Variants in PHEX observed in about 807,000 individuals in gnomAD.
The protein encoded by PHEX is phosphate-regulating neutral endopeptidase PHEX.
PHEX carries 16 observed loss-of-function variants against 68.0 expected under a neutral mutation model. The observed-to-expected ratio is 0.24, with a 90% confidence interval of 0.16 to 0.36. PHEX has a LOEUF of 0.36. PHEX is among the 10% of genes least tolerant of loss of function. The pLI, the probability that PHEX is intolerant of heterozygous loss-of-function variation, is 1.00. For missense variants in PHEX, 480 were observed against 575.5 expected, an observed-to-expected ratio of 0.83 and a Z score of 1.70; for synonymous variants, 208 against 205.1, an observed-to-expected ratio of 1.01 and a Z score of -0.12.
intron 2 of PHEX, among the ~76,000 whole-genome samples, chrX:22,045,660 T>A (rs1445021856): frequency 1.8e-5 from 2 of 112,503 alleles, no homozygotes; most frequent in Non-Finnish European, 3.7e-5. Flanking sequence ...CTTATACACA[T>A]ACTCAGTTCT....
chrX:22,121,816 A>AT (rs769259854), intron 11 of PHEX, among the ~76,000 whole-genome samples: 1 of 111,317 alleles, frequency 9.0e-6, no homozygotes, highest in South Asian at 3.8e-4. Context: ...AATATCTTCC[A>AT]TTTTTTCTGA....
chrX:22,075,407 C>G (rs1293571682), intron 3 of PHEX, among the ~76,000 whole-genome samples: 1 of 103,975 alleles, frequency 9.6e-6, no homozygotes, highest in Non-Finnish European at 1.9e-5. Flanking sequence ...TGAAGCTATT[C>G]AGAGTATTAT....
At chrX:22,041,322 G>T (rs1366210854) in intron 2 of PHEX, among the ~76,000 whole-genome samples, 1 of 94,884 alleles carries the variant, frequency 1.1e-5, no homozygotes, top group Non-Finnish European at 2.1e-5. Flanking sequence ...GCTGTGTGTT[G>T]AGTGCCTTAC....
intron 17 of PHEX, 22 bp from the exon 18 acceptor site, chrX:22,221,591 T>C: frequency 8.5e-7 from 1 of 1,180,793 alleles, no homozygotes; most frequent in Non-Finnish European, 1.2e-6. Flanking sequence ...CACAAATGTC[T>C]TCGAACTTTT....
intron 12 of PHEX, among the ~76,000 whole-genome samples, chrX:22,146,309 T>C (rs776567313): frequency 1.8e-5 from 2 of 112,266 alleles, no homozygotes; most frequent in South Asian, 7.4e-4. Flanking sequence ...TGTTAGAGAC[T>C]GATGTAAATT....
intron 12 of PHEX, among the ~76,000 whole-genome samples, chrX:22,141,852 T>G (rs1265980508): frequency 8.9e-6 from 1 of 112,582 alleles, no homozygotes; most frequent in Non-Finnish European, 1.9e-5. Flanking sequence ...ACATAGGCTT[T>G]GAAAGGCATT....
chrX:22,198,951 G>C (rs1054393477), intron 15 of PHEX, among the ~76,000 whole-genome samples: 2 of 111,222 alleles, frequency 1.8e-5, no homozygotes, highest in African/African-American at 6.5e-5. Flanking sequence ...TGTCTTACAT[G>C]GTGGCAGGCA....
intron 3 of PHEX, among the ~76,000 whole-genome samples, chrX:22,064,564 C>T (rs757422392): frequency 6.9e-4 from 77 of 111,879 alleles, no homozygotes; most frequent in African/African-American, 2.3e-3. Context: ...CAGGCGATGC[C>T]CATGCTGCTG....
intron 12 of PHEX, among the ~76,000 whole-genome samples, chrX:22,152,500 G>A (rs1296438062): frequency 4.5e-5 from 5 of 110,322 alleles, no homozygotes; most frequent in Admixed American, 1.9e-4. Flanking sequence ...CTCTTACATC[G>A]CATTCTCTCC....
At chrX:22,056,077 T>C (rs890672599) in intron 3 of PHEX, among the ~76,000 whole-genome samples, 9 of 112,479 alleles carry the variant, frequency 8.0e-5, no homozygotes, top group South Asian at 3.7e-4. Flanking sequence ...TTGTATGATA[T>C]TCAGCTGGCG....
intron 2 of PHEX, among the ~76,000 whole-genome samples, chrX:22,043,572 T>C (rs1019709177): frequency 1.8e-5 from 2 of 111,935 alleles, no homozygotes; most frequent in Admixed American, 9.5e-5. Context: ...GACTAGAGTT[T>C]GTGACGATAC....
chrX:22,164,142 T>G (rs957758206), intron 12 of PHEX, among the ~76,000 whole-genome samples: 1 of 111,795 alleles, frequency 8.9e-6, no homozygotes, highest in Non-Finnish European at 1.9e-5. Context: ...TGCCTATGAG[T>G]GCTTCTCATT....
At chrX:22,097,188 TCTGTGTATTGGGATGC>T (rs1451889595) in intron 8 of PHEX, 150 bp downstream of exon 8, 4 of 517,512 alleles carry the variant, frequency 7.7e-6, no homozygotes, top group African/African-American at 2.3e-5. Flanking sequence ...ATATCCCTTG[TCTGTGTATTGGGATGC>T]CTTCTGTTAC....
At chrX:22,085,669 T>C in intron 5 of PHEX, among the ~76,000 whole-genome samples, 1 of 111,847 alleles carries the variant, frequency 8.9e-6, no homozygotes. Context: ...AAAAGATAAC[T>C]GATATGATTT....
At chrX:22,121,715 A>T (rs1931495455) in intron 11 of PHEX, among the ~76,000 whole-genome samples, 1 of 112,368 alleles carries the variant, frequency 8.9e-6, no homozygotes. Flanking sequence ...TATGTAGAAC[A>T]ATTCACTAAT....
intron 12 of PHEX, among the ~76,000 whole-genome samples, chrX:22,141,659 T>C (rs1251359536): frequency 9.0e-6 from 1 of 111,731 alleles, no homozygotes; most frequent in Non-Finnish European, 1.9e-5. Flanking sequence ...TTCATGGCTC[T>C]GGCTTTCAAA....
At chrX:22,097,831 G>T in intron 8 of PHEX, 1 of 323,331 alleles carries the variant, frequency 3.1e-6, no homozygotes, top group Non-Finnish European at 4.1e-6. Flanking sequence ...GCAGTGGTGT[G>T]ATCTTGGCTC....
At chrX:22,229,580 T>C (rs965865926) in intron 20 of PHEX, among the ~76,000 whole-genome samples, 2 of 112,497 alleles carry the variant, frequency 1.8e-5, no homozygotes, top group African/African-American at 6.5e-5. Flanking sequence ...TGCCCACTTT[T>C]TGATGAGGTT....
At chrX:22,093,256 C>G (rs943534275) in intron 6 of PHEX, among the ~76,000 whole-genome samples, 2 of 111,879 alleles carry the variant, frequency 1.8e-5, no homozygotes, top group African/African-American at 3.2e-5. Flanking sequence ...ACAAATATAT[C>G]TGAAATGAGA....
Sources: gnomAD v4.1 joint callset for allele counts (sites outside exome capture counted in the v4.1 genomes callset) on GRCh38, gnomAD v4.1.1 for gene constraint, MANE v1.5 for transcripts, NCBI Gene and HGNC (gene_info 2026-07-23, HGNC 2026-07-21) for gene names.